NR6A1: variants seen among roughly 807,000 people sequenced by gnomAD.
NR6A1 encodes nuclear receptor subfamily 6 group A member 1.
A neutral mutation model predicts 59.1 loss-of-function variants in NR6A1; 7 were observed. The observed-to-expected ratio is 0.12, with a 90% CI of 0.07 to 0.22. The LOEUF is 0.22. Among genes scored for constraint, NR6A1 ranks in the 10% least tolerant of loss-of-function variants. The probability of loss-of-function intolerance (pLI) is 1.00; values close to 1 mark genes in which losing one functional copy is unlikely to be tolerated. For synonymous variants in NR6A1, 243 were observed against 236.1 expected (o/e 1.03, Z -0.27); for missense variants, 468 against 611.6 (o/e 0.77, Z 2.48).
chr9:124,745,256 T>TG (rs1203977773), intron 1 of NR6A1, among the ~76,000 whole-genome samples: 1 of 115,020 alleles, frequency 8.7e-6, no homozygotes, highest in East Asian at 2.4e-4. Flanking sequence ...CATATATACA[T>TG]GAAAAAAAAA....
At chr9:124,646,067 A>G (rs12351256) in intron 2 of NR6A1, among the ~76,000 whole-genome samples, 2,719 of 152,266 alleles carry the variant, frequency 0.018, 82 homozygotes, top group African/African-American at 0.062. Flanking sequence ...TGAACTAAAT[A>G]AAAATAAAAA....
chr9:124,640,084 C>T (rs559543433), intron 2 of NR6A1, among the ~76,000 whole-genome samples: 11 of 152,200 alleles, frequency 7.2e-5, no homozygotes, highest in South Asian at 6.2e-4. Flanking sequence ...CATATGGAAG[C>T]GCTGAAGAAC....
At chr9:124,595,887 A>G (rs1348568160) in intron 2 of NR6A1, 2 of 1,125,836 alleles carry the variant, frequency 1.8e-6, no homozygotes, top group African/African-American at 1.6e-5. Context: ...AGCCGGGACT[A>G]CGACAGTCAT....
At chr9:124,611,028 C>T (rs895989472) in intron 2 of NR6A1, among the ~76,000 whole-genome samples, 1 of 152,064 alleles carries the variant, frequency 6.6e-6, no homozygotes. Context: ...CTTTTCCTGA[C>T]CCATTCAGTA....
chr9:124,765,015 G>A (rs1840890297), intron 1 of NR6A1, among the ~76,000 whole-genome samples: 1 of 152,204 alleles, frequency 6.6e-6, no homozygotes, highest in Non-Finnish European at 1.5e-5. Flanking sequence ...TGTGGTTTAT[G>A]CTTGAATAGC....
At chr9:124,589,614 G>A (rs1835049807) in intron 2 of NR6A1, among the ~76,000 whole-genome samples, 1 of 152,146 alleles carries the variant, frequency 6.6e-6, no homozygotes, top group African/African-American at 2.4e-5. Context: ...ACACTGACTT[G>A]TGCACATTTT....
chr9:124,624,529 C>G (rs1836178533), intron 2 of NR6A1, among the ~76,000 whole-genome samples: 1 of 152,180 alleles, frequency 6.6e-6, no homozygotes, highest in Non-Finnish European at 1.5e-5. Context: ...CATGTCCCTG[C>G]TTAGCCTGAG....
chr9:124,656,142 CCTT>C (rs1170022520), intron 2 of NR6A1, among the ~76,000 whole-genome samples: 11 of 152,080 alleles, frequency 7.2e-5, no homozygotes, highest in African/African-American at 2.2e-4. Flanking sequence ...TCTGGCACCT[CCTT>C]CTTCTCTCTC....
chr9:124,559,674 G>C (rs1240859719), intron 2 of NR6A1, among the ~76,000 whole-genome samples: 2 of 152,192 alleles, frequency 1.3e-5, no homozygotes, highest in Non-Finnish European at 2.9e-5. Flanking sequence ...CGACTCGGGA[G>C]GCTGAGGCAG....
rs143318221 is a variant in NR6A1 at position 124,551,623 on chromosome 9, T to G, written c.385+2705A>C. ...AAAATACTTTTCAAAGGTTAGCTCC[T>G]TTTTTCTCCAACCCCTTAAGTGTGG... On this transcript the variant is annotated intron_variant, in intron 3 of 9. Coordinates refer to ENST00000487099, the MANE Select transcript of NR6A1 (RefSeq NM_033334.4). 2.7e-3 allele frequency among the ~76,000 whole-genome samples: 404 copies of G among 152,354 alleles called. 4 individuals are homozygous for G. Among genetic ancestry groups the G allele is most frequent in the African/African-American group, 9.5e-3 (395 of 41,584 alleles).
At chr9:124,716,098 G>A (rs1839411069) in intron 2 of NR6A1, among the ~76,000 whole-genome samples, 1 of 152,234 alleles carries the variant, frequency 6.6e-6, no homozygotes, top group African/African-American at 2.4e-5. Flanking sequence ...CAGCTACTTG[G>A]GAGGCTGAGG....
chr9:124,663,758 C>T (rs1837519889), intron 2 of NR6A1, among the ~76,000 whole-genome samples: 1 of 152,080 alleles, frequency 6.6e-6, no homozygotes, highest in East Asian at 1.9e-4. Flanking sequence ...TAAAAACTGT[C>T]AACACTGCAC....
chr9:124,624,147 T>C (rs1836166185), intron 2 of NR6A1, among the ~76,000 whole-genome samples: 1 of 152,162 alleles, frequency 6.6e-6, no homozygotes, highest in Admixed American at 6.5e-5. Context: ...TGGCAACAAT[T>C]AGTAATTACC....
chr9:124,536,256 C>T (rs574406089), intron 6 of NR6A1, 124 bp from the exon 7 acceptor site: 9 of 1,066,252 alleles, frequency 8.4e-6, no homozygotes, highest in Admixed American at 4.3e-5. Flanking sequence ...TCCATGCCCA[C>T]GGGTCTCCAG....
Position 124,572,517 on chromosome 9 carries a change from T to A in NR6A1, c.143-17947A>T, listed in dbSNP as rs548934980. 3.3e-5 allele frequency among the ~76,000 whole-genome samples: 5 copies of A among 152,326 alleles called. No homozygotes were observed. In the South Asian group the frequency reaches 1.0e-3, roughly 32 times the overall value. On this transcript the variant is annotated intron_variant, in intron 2 of 9. Coordinates refer to ENST00000487099, the MANE Select transcript of NR6A1 (RefSeq NM_033334.4). Reference sequence around the variant, plus strand: ...AGGAAACTGAATCACAGGGAAATGATTACCCAAGGTCATACGAATTGAGAA... The same window carrying A: ...AGGAAACTGAATCACAGGGAAATGAATACCCAAGGTCATACGAATTGAGAA...
intron 5 of NR6A1, among the ~76,000 whole-genome samples, chr9:124,538,939 G>T (rs1833364427): frequency 6.6e-6 from 1 of 151,650 alleles, no homozygotes; most frequent in Non-Finnish European, 1.5e-5. Flanking sequence ...CAGCCACAGT[G>T]GTGTGCACCT....
intron 2 of NR6A1, among the ~76,000 whole-genome samples, chr9:124,648,678 C>A (rs1837006923): frequency 6.6e-6 from 1 of 150,994 alleles, no homozygotes; most frequent in Non-Finnish European, 1.5e-5. Context: ...CAGACATGAT[C>A]TTTTATTTGG....
intron 2 of NR6A1, among the ~76,000 whole-genome samples, chr9:124,574,923 G>C (rs1281965310): frequency 1.3e-5 from 2 of 152,228 alleles, no homozygotes; most frequent in Non-Finnish European, 2.9e-5. Flanking sequence ...TTATTGATCA[G>C]TCCTGAGTGT....
intron 7 of NR6A1, among the ~76,000 whole-genome samples, chr9:124,534,843 A>T (rs1833208150): frequency 2.0e-5 from 3 of 152,182 alleles, no homozygotes; most frequent in African/African-American, 7.2e-5. Context: ...AAAAATATCT[A>T]GTCTAGACCG....
Sources: gnomAD v4.1 joint callset for allele counts (sites outside exome capture counted in the v4.1 genomes callset) on GRCh38, gnomAD v4.1.1 for gene constraint, MANE v1.5 for transcripts, NCBI Gene and HGNC (gene_info 2026-07-23, HGNC 2026-07-21) for gene names.